Variants in TP63 observed in about 807,000 individuals in gnomAD.
TP63 encodes the protein tumor protein p63, also known as tumor protein 63.
Under a neutral mutation model 82.8 loss-of-function variants are expected in TP63, and 17 were observed. The observed-to-expected ratio is 0.21, with a 90% CI of 0.14 to 0.31. TP63 has a LOEUF of 0.31. Ranked by LOEUF, TP63 falls within the 10% of genes least tolerant of loss-of-function variation. The pLI, the probability that TP63 is intolerant of heterozygous loss-of-function variation, is 1.00. For missense variants in TP63, 648 were observed against 895.3 expected (o/e 0.72, Z 3.52); for synonymous variants, 330 against 321.7 (o/e 1.03, Z -0.28).
rs1052459905 is a variant in TP63, at chr3:189,774,069, T to C, written c.325-34203T>C. Among the ~76,000 whole-genome samples, 11 of 151,640 alleles carry C rather than the reference T, an allele frequency of 7.3e-5. No homozygotes were observed. The South Asian group carries it at 8.3e-4, about 11-fold the overall frequency. On this transcript the variant is annotated intron_variant, in intron 3 of 13. Coordinates refer to ENST00000264731, the MANE Select transcript of TP63 (RefSeq NM_003722.5). The stretch of plus-strand genomic sequence containing the variant: ...TCCTGAGTAGCTGGGACTACAGGTA[T>C]CCACCACCACGCCCAGCTAATTTTT...
At chr3:189,658,668 C>T (rs562105322) in intron 1 of TP63, among the ~76,000 whole-genome samples, 17 of 152,108 alleles carry the variant, frequency 1.1e-4, no homozygotes, top group Admixed American at 7.2e-4. Flanking sequence ...GTGACTAGTG[C>T]TCCTCAAAAT....
intron 4 of TP63, among the ~76,000 whole-genome samples, chr3:189,819,747 C>CTTTTTTT (rs367763002): frequency 3.3e-5 from 3 of 89,838 alleles, no homozygotes; most frequent in African/African-American, 8.3e-5. Context: ...TATATTTTAC[C>CTTTTTTT]TTTTTTTTTT....
At chr3:189,636,815 AT>A (rs139642751) in intron 1 of TP63, among the ~76,000 whole-genome samples, 1,586 of 152,266 alleles carry the variant, frequency 0.01, 24 homozygotes, top group African/African-American at 0.036. Flanking sequence ...CAAAGCAAAA[AT>A]TGTAAGGAGC....
At chr3:189,735,253 C>G (rs771152499) in intron 1 of TP63, among the ~76,000 whole-genome samples, 26 of 152,218 alleles carry the variant, frequency 1.7e-4, no homozygotes, top group Non-Finnish European at 2.9e-4. Context: ...TGCACCTATT[C>G]TGCACAGGTC....
At chr3:189,683,335 T>C (rs1716139829) in intron 1 of TP63, among the ~76,000 whole-genome samples, 1 of 152,176 alleles carries the variant, frequency 6.6e-6, no homozygotes, top group Non-Finnish European at 1.5e-5. Flanking sequence ...ACAAAACATA[T>C]GTTGCCCAAG....
At chr3:189,633,076 G>A (rs1036833337) in intron 1 of TP63, among the ~76,000 whole-genome samples, 13 of 151,950 alleles carry the variant, frequency 8.6e-5, no homozygotes, top group Non-Finnish European at 1.9e-4. Flanking sequence ...CTCTCTAGAA[G>A]CATTTCTAAT....
chr3:189,729,793 GA>G (rs1016104716), intron 1 of TP63, among the ~76,000 whole-genome samples: 1 of 152,084 alleles, frequency 6.6e-6, no homozygotes, highest in African/African-American at 2.4e-5. Flanking sequence ...GTGAGTTTTG[GA>G]GGCAAATTTA....
chr3:189,695,846 C>G (rs920051728), intron 1 of TP63, among the ~76,000 whole-genome samples: 2 of 152,106 alleles, frequency 1.3e-5, no homozygotes, highest in Non-Finnish European at 2.9e-5. Flanking sequence ...ATAATTTTAT[C>G]AAGTAAAGTA....
intron 4 of TP63, among the ~76,000 whole-genome samples, chr3:189,810,268 G>A (rs751272116): frequency 6.6e-6 from 1 of 152,122 alleles, no homozygotes; most frequent in Non-Finnish European, 1.5e-5. Flanking sequence ...TTGCTAAAGA[G>A]CCACTAGAAT....
chr3:189,780,672 C>T (rs1724160852), intron 3 of TP63, among the ~76,000 whole-genome samples: 1 of 152,156 alleles, frequency 6.6e-6, no homozygotes, highest in Non-Finnish European at 1.5e-5. Context: ...TTTTCAGAGA[C>T]AGGTGCTTTT....
rs180746734 is a variant in TP63, at chr3:189,706,950, T to C, written c.63-30790T>C. On this transcript the variant is annotated intron_variant, in intron 1 of 13. Transcript: ENST00000264731. ...CCTACACGCTGAAAGATCCCCATGC[T>C]GTGTAACAGGTCTTGATTTATTCTG... Among the ~76,000 whole-genome samples, 244 of 151,072 alleles carry C rather than the reference T, an allele frequency of 1.6e-3. 1 individual carries two copies. The highest frequency in any genetic ancestry group is 5.2e-3 in the African/African-American group (210 of 40,398).
the TP63 span, among the ~76,000 whole-genome samples, chr3:189,617,453 T>A: frequency 0.33 from 50,042 of 152,064 alleles, 8,689 homozygotes; most frequent in Non-Finnish European, 0.38. Context: ...GTACCTGAGG[T>A]CTTTTTATCT....
At chr3:189,736,993 T>C (rs907926584) in intron 1 of TP63, among the ~76,000 whole-genome samples, 3 of 152,090 alleles carry the variant, frequency 2.0e-5, no homozygotes, top group Admixed American at 6.5e-5. Context: ...TCCAAATATA[T>C]AGGAATAAAT....
intron 4 of TP63, among the ~76,000 whole-genome samples, chr3:189,812,324 G>C (rs1381150219): frequency 6.6e-6 from 1 of 152,100 alleles, no homozygotes; most frequent in South Asian, 2.1e-4. Flanking sequence ...TCAATGAAAT[G>C]AAGTAAAATA....
the TP63 span, among the ~76,000 whole-genome samples, chr3:189,621,633 A>G: frequency 1.3e-5 from 2 of 152,042 alleles, no homozygotes; most frequent in African/African-American, 4.8e-5. Context: ...CTATATAAAT[A>G]TTATCACTCT....
At position 189,789,788 on chromosome 3, in the gene TP63, T is replaced by G. The variant is rs757130580; in HGVS notation, c.325-18484T>G. On this transcript the variant is annotated intron_variant, in intron 3 of 13. Transcript: ENST00000264731. ...AAGAAAGGACAGCAGCATTGATCAA[T>G]CTTACAGCTAACATGTTGTACCTGG... 4 of 1,593,784 alleles carry G rather than the reference T, an allele frequency of 2.5e-6. No individual in the cohort carries two copies. The Admixed American group carries it at 6.9e-5, about 28-fold the overall frequency.
intron 1 of TP63, among the ~76,000 whole-genome samples, chr3:189,678,516 A>G (rs943485524): frequency 3.3e-5 from 5 of 152,012 alleles, no homozygotes; most frequent in Non-Finnish European, 5.9e-5. Flanking sequence ...GTAATATAAC[A>G]TGAAATCTCC....
At chr3:189,634,913 A>C (rs1468344118) in intron 1 of TP63, among the ~76,000 whole-genome samples, 1 of 151,988 alleles carries the variant, frequency 6.6e-6, no homozygotes, top group African/African-American at 2.4e-5. Flanking sequence ...GCAATTTTCC[A>C]TTCTTTCATT....
At chr3:189,770,857 G>C (rs1723286184) in intron 3 of TP63, among the ~76,000 whole-genome samples, 1 of 152,084 alleles carries the variant, frequency 6.6e-6, no homozygotes. Context: ...TTTTTGTTTG[G>C]ATGAAGTAAA....
Sources: allele counts gnomAD v4.1 joint callset (sites outside exome capture counted in the v4.1 genomes callset), GRCh38; gene constraint gnomAD v4.1.1; transcripts MANE v1.5; gene names NCBI Gene and HGNC (gene_info 2026-07-23, HGNC 2026-07-21).